The following CDK12 variants were observed in gnomAD, a reference collection of about 807,000 sequenced individuals.
CDK12 encodes the protein cyclin-dependent kinase 12.
A neutral mutation model predicts 133.8 loss-of-function variants in CDK12; 17 were observed. That is an observed-to-expected ratio of 0.13 (90% CI 0.09 to 0.19). CDK12 has a LOEUF of 0.19. Ranked by LOEUF, CDK12 falls within the 10% of genes least tolerant of loss-of-function variation. The probability of loss-of-function intolerance (pLI) is 1.00; values close to 1 mark genes in which losing one functional copy is unlikely to be tolerated. For missense variants in CDK12, 1,508 were observed against 1,818.7 expected, an observed-to-expected ratio of 0.83 and a Z score of 3.11; for synonymous variants, 694 against 683.6, an observed-to-expected ratio of 1.02 and a Z score of -0.24.
chr17:39,478,567 G>C (rs1160852164), intron 2 of CDK12, among the ~76,000 whole-genome samples: 1 of 152,146 alleles, frequency 6.6e-6, no homozygotes, highest in African/African-American at 2.4e-5. Context: ...TAGACCAGGT[G>C]CTGTGGCTCA....
intron 2 of CDK12, among the ~76,000 whole-genome samples, chr17:39,474,616 A>G (rs1267896166): frequency 2.0e-5 from 3 of 152,068 alleles, no homozygotes; most frequent in Admixed American, 1.3e-4. Flanking sequence ...CTCCCGGCCA[A>G]TATTGGTCAT....
At chr17:39,555,928 G>A (rs1403719139) in intron 2 of CDK12, among the ~76,000 whole-genome samples, 1 of 149,974 alleles carries the variant, frequency 6.7e-6, no homozygotes, top group Non-Finnish European at 1.5e-5. Context: ...CAGCTACTTG[G>A]GAGGCTGAGG....
intron 5 of CDK12, among the ~76,000 whole-genome samples, chr17:39,498,667 A>G (rs2052334074): frequency 6.6e-6 from 1 of 151,964 alleles, no homozygotes; most frequent in Admixed American, 6.6e-5. Flanking sequence ...GTAGCCAGGA[A>G]TACAGGCAAG....
chr17:39,471,682 C>G lies in CDK12; in HGVS notation c.1850C>G (p.Ala617Gly), dbSNP rs2145210882. ...GTGAAGACTCAAGTATCTGTAACAG[C>G]TGCTATTCCACACCTGAAAACTTCA... Reference protein sequence around the residue: ...VSVKTQVSVTAAIPHLKTSTL... With the variant: ...VSVKTQVSVTGAIPHLKTSTL... Residue 617 changes from alanine (A) to glycine (G), a missense_variant, in exon 2 of 14, where the codon GCT becomes GGT. Around this residue, in one of 9 missense-constraint regions of CDK12, gnomAD observed 347 missense variants for 330.8 expected, o/e 1.05. Coordinates refer to ENST00000447079, the MANE Select transcript of CDK12 (RefSeq NM_016507.4). 1 of 1,614,082 alleles carries G rather than the reference C, an allele frequency of 6.2e-7. No individual in the cohort carries two copies. The highest frequency in any genetic ancestry group is 8.5e-7 in the Non-Finnish European group (1 of 1,179,928).
At chr17:39,464,328 C>T (rs757002759) in intron 1 of CDK12, among the ~76,000 whole-genome samples, 2 of 151,870 alleles carry the variant, frequency 1.3e-5, no homozygotes, top group Non-Finnish European at 1.5e-5. Flanking sequence ...TCAAGCAATC[C>T]GTCCACCTCA....
At chr17:39,537,540 CTTATTTTTATTTAT>C (rs1208081484), downstream of CDK12, among the ~76,000 whole-genome samples, 4 of 135,794 alleles carry the variant, frequency 2.9e-5, no homozygotes, top group East Asian at 7.9e-4. Context: ...GGTATAATTC[CTTATTTTTATTTAT>C]TTATTTATTT....
chr17:39,544,517 G>A (rs923685258), upstream of CDK12, among the ~76,000 whole-genome samples: 9 of 147,526 alleles, frequency 6.1e-5, no homozygotes, highest in Admixed American at 1.4e-4. Context: ...TCACTCTGCC[G>A]CCCAAGCTGG....
chr17:39,463,430 G>A (rs1424242437), intron 1 of CDK12, among the ~76,000 whole-genome samples: 1 of 152,146 alleles, frequency 6.6e-6, no homozygotes, highest in African/African-American at 2.4e-5. Flanking sequence ...CCCAGAGCAT[G>A]TCTAGCTATT....
chr17:39,485,456 C>A (rs2051048134), intron 2 of CDK12, among the ~76,000 whole-genome samples: 1 of 141,766 alleles, frequency 7.1e-6, no homozygotes, highest in Non-Finnish European at 1.5e-5. Context: ...ACTCTGTCGC[C>A]AGGCTGGAGT....
intron 1 of CDK12, among the ~76,000 whole-genome samples, chr17:39,540,064 G>A (rs2055338120): frequency 6.6e-6 from 1 of 152,204 alleles, no homozygotes; most frequent in South Asian, 2.1e-4. Flanking sequence ...GGTCAAGGAA[G>A]CAGGAAAGTT....
At chr17:39,480,642 C>G (rs1040153707) in intron 2 of CDK12, among the ~76,000 whole-genome samples, 2 of 151,904 alleles carry the variant, frequency 1.3e-5, no homozygotes, top group South Asian at 4.2e-4. Flanking sequence ...AGGCTGATCT[C>G]GAACCTCTGA....
At chr17:39,526,528 G>A (rs371850641) in intron 13 of CDK12, among the ~76,000 whole-genome samples, 1 of 152,048 alleles carries the variant, frequency 6.6e-6, no homozygotes, top group Non-Finnish European at 1.5e-5. Context: ...TTCCTATACT[G>A]ATTGTTTTTC....
At chr17:39,496,663 T>C (rs1233985922) in intron 5 of CDK12, among the ~76,000 whole-genome samples, 1 of 152,066 alleles carries the variant, frequency 6.6e-6, no homozygotes, top group African/African-American at 2.4e-5. Flanking sequence ...ATCACGCCAT[T>C]GCACTCCAGC....
chr17:39,466,269 C>T (rs2049298454), intron 1 of CDK12, among the ~76,000 whole-genome samples: 2 of 147,160 alleles, frequency 1.4e-5, no homozygotes, highest in Non-Finnish European at 3.0e-5. Flanking sequence ...AGTCACGCCA[C>T]TGCACTCCAG....
chr17:39,565,977 GC>G (rs2056560744), downstream of CDK12, among the ~76,000 whole-genome samples: 1 of 152,160 alleles, frequency 6.6e-6, no homozygotes, highest in African/African-American at 2.4e-5. Context: ...AGTAGCCTAG[GC>G]CTGTATGTAG....
At chr17:39,522,911 G>C (rs1176894566) in intron 11 of CDK12, among the ~76,000 whole-genome samples, 1 of 151,858 alleles carries the variant, frequency 6.6e-6, no homozygotes, top group Non-Finnish European at 1.5e-5. Flanking sequence ...AAATTAACCA[G>C]GTGTGGTGGT....
At chr17:39,487,376 T>G (rs1412117172) in intron 2 of CDK12, among the ~76,000 whole-genome samples, 1 of 152,188 alleles carries the variant, frequency 6.6e-6, no homozygotes, top group African/African-American at 2.4e-5. Flanking sequence ...TTGCAAGAGA[T>G]AGATCTTTGT....
intron 7 of CDK12, among the ~76,000 whole-genome samples, chr17:39,510,635 T>C (rs905790628): frequency 1.3e-5 from 2 of 151,166 alleles, no homozygotes; most frequent in Non-Finnish European, 3.0e-5. Context: ...TTTTTTTTCC[T>C]GGAGATTTGC....
At chr17:39,507,008 C>T (rs1222677864) in intron 6 of CDK12, among the ~76,000 whole-genome samples, 1 of 151,898 alleles carries the variant, frequency 6.6e-6, no homozygotes, top group South Asian at 2.1e-4. Context: ...GCGATTCTCC[C>T]ACCTCAGCCT....
Sources: allele counts gnomAD v4.1 joint callset (sites outside exome capture counted in the v4.1 genomes callset), GRCh38; gene constraint gnomAD v4.1.1; regional missense constraint gnomAD v4.1.1; transcripts MANE v1.5; gene names NCBI Gene and HGNC (gene_info 2026-07-23, HGNC 2026-07-21).